Variants in SLC4A7 observed in about 807,000 individuals in gnomAD.
SLC4A7 encodes the protein sodium bicarbonate cotransporter 3.
SLC4A7 carries 51 observed loss-of-function variants against 137.6 expected under a neutral mutation model. The ratio of observed to expected loss-of-function variants is 0.37; its 90% CI spans 0.30 to 0.47. SLC4A7 has a LOEUF of 0.47. SLC4A7 is among the 20% of genes least tolerant of loss of function. The pLI is 1.00. For missense variants in SLC4A7, 1,247 were observed against 1,525.4 expected (o/e 0.82, Z 3.04); for synonymous variants, 542 against 518.6 (o/e 1.05, Z -0.61).
At chr3:27,439,448 T>G (rs527507972) in intron 3 of SLC4A7, among the ~76,000 whole-genome samples, 2 of 152,310 alleles carry the variant, frequency 1.3e-5, no homozygotes, top group Middle Eastern at 3.4e-3. Context: ...TATTAAACTT[T>G]CCAGCATTTA....
At chr3:27,387,880 C>G (rs2051134113) in intron 22 of SLC4A7, among the ~76,000 whole-genome samples, 1 of 152,144 alleles carries the variant, frequency 6.6e-6, no homozygotes, top group Non-Finnish European at 1.5e-5. Flanking sequence ...ATGTCACTGC[C>G]CACCCCCACA....
intron 3 of SLC4A7, among the ~76,000 whole-genome samples, chr3:27,439,721 T>G (rs1408974389): frequency 6.6e-6 from 1 of 152,202 alleles, no homozygotes; most frequent in Non-Finnish European, 1.5e-5. Flanking sequence ...TATTCTTTCT[T>G]GTCTTATTAC....
intron 21 of SLC4A7, among the ~76,000 whole-genome samples, 179 bp downstream of exon 21, chr3:27,391,561 G>A (rs571046067): frequency 5.3e-5 from 8 of 152,194 alleles, no homozygotes; most frequent in Admixed American, 3.9e-4. Context: ...ACTCTCTGGA[G>A]GAAAAAATGT....
rs556478586 is a variant in SLC4A7 at position 27,411,761 on chromosome 3, A to C, written c.1660-13T>G. On this transcript the variant is annotated splice_polypyrimidine_tract_variant and intron_variant, in intron 11 of 25. Coordinates refer to ENST00000454389, the MANE Select transcript of SLC4A7 (RefSeq NM_001321103.2). ...TCTTTCTCTTTTCCTGAATTTCACA[A>C]AAAACATTATTTTCAGAATTCTATT... is the stretch of plus-strand genomic sequence containing the variant. 144 of 1,427,514 alleles carry C rather than the reference A, an allele frequency of 1.0e-4. 4 individuals are homozygous for C. In the South Asian group the frequency reaches 1.9e-3, roughly 19 times the overall value. The allele number at this position is 1,427,514 out of a possible 1,614,324, so 88.4% of individuals were successfully genotyped here.
intron 3 of SLC4A7, among the ~76,000 whole-genome samples, chr3:27,442,571 G>A (rs2057285464): frequency 6.6e-6 from 1 of 151,846 alleles, no homozygotes; most frequent in African/African-American, 2.4e-5. Flanking sequence ...AGGCATGCCT[G>A]GTTAATTTTC....
intron 5 of SLC4A7, among the ~76,000 whole-genome samples, chr3:27,435,516 T>C (rs1289287887): frequency 6.6e-6 from 1 of 152,062 alleles, no homozygotes; most frequent in Non-Finnish European, 1.5e-5. Context: ...TTAAAAACCA[T>C]CAAGACCACC....
At chr3:27,443,481 G>C (rs2057374440) in intron 3 of SLC4A7, among the ~76,000 whole-genome samples, 1 of 151,768 alleles carries the variant, frequency 6.6e-6, no homozygotes, top group South Asian at 2.1e-4. Flanking sequence ...GTTTGATTGA[G>C]GTCTGCTATT....
rs759028760 is a variant in SLC4A7, at chr3:27,431,599, T to C, written c.849A>G (p.Gly283=). 8 of 1,613,894 alleles carry C rather than the reference T, an allele frequency of 5.0e-6. No homozygotes were observed. Among genetic ancestry groups the C allele is most frequent in the Middle Eastern group, 1.7e-4 (1 of 6,060 alleles). The change falls in exon 7 of 26, where the codon GGA becomes GGG. Residue 283 remains glycine, a synonymous_variant. Coordinates refer to ENST00000454389, the MANE Select transcript of SLC4A7 (RefSeq NM_001321103.2). ...GLSASNLSLR[G]ESPLSLLLGH... ...CAAGAAGAAGAGATAAAGGTGATTC[T>C]CCTCTCAAGGAAAGGTTTGAGGCAG...
chr3:27,443,859 A>G (rs995540880), intron 3 of SLC4A7, among the ~76,000 whole-genome samples: 2 of 152,224 alleles, frequency 1.3e-5, no homozygotes, highest in African/African-American at 2.4e-5. Context: ...TTAACCCATG[A>G]TTATTGAGAA....
intron 22 of SLC4A7, among the ~76,000 whole-genome samples, chr3:27,388,417 A>G (rs2051190747): frequency 6.6e-6 from 1 of 152,210 alleles, no homozygotes; most frequent in African/African-American, 2.4e-5. Context: ...AGAATAATTC[A>G]AGAGGGTACT....
chr3:27,418,381 G>A (rs924565021), intron 11 of SLC4A7, 105 bp downstream of exon 11: 38 of 804,930 alleles, frequency 4.7e-5, no homozygotes, highest in Non-Finnish European at 5.6e-5. Context: ...TAAACAGGAC[G>A]AGGTGGGGAT....
At chr3:27,448,216 C>CAA (rs34846975) in intron 3 of SLC4A7, among the ~76,000 whole-genome samples, 18,120 of 104,010 alleles carry the variant, frequency 0.17, 1,488 homozygotes, top group South Asian at 0.28. Flanking sequence ...GACTCCATCT[C>CAA]AAAAAAAAAA....
intron 11 of SLC4A7, among the ~76,000 whole-genome samples, chr3:27,416,076 C>T (rs1173788900): frequency 6.6e-6 from 1 of 152,152 alleles, no homozygotes; most frequent in African/African-American, 2.4e-5. Context: ...AACAGGACTT[C>T]CTATGAGTCC....
At chr3:27,433,648 G>GA (rs547076553) in intron 6 of SLC4A7, among the ~76,000 whole-genome samples, 18 of 146,726 alleles carry the variant, frequency 1.2e-4, no homozygotes, top group East Asian at 8.0e-4. Flanking sequence ...ATGTTCAGGA[G>GA]AAAAAAAAAA....
chr3:27,446,312 G>A (rs2057631043), intron 3 of SLC4A7, among the ~76,000 whole-genome samples: 2 of 152,078 alleles, frequency 1.3e-5, no homozygotes, highest in Admixed American at 1.3e-4. Context: ...GCAAAGTCCT[G>A]TGTAATCCCT....
chr3:27,424,674 TTTG>T (rs1186963509), intron 7 of SLC4A7, among the ~76,000 whole-genome samples: 3 of 152,238 alleles, frequency 2.0e-5, no homozygotes, highest in African/African-American at 4.8e-5. Context: ...TTCATTTTTC[TTTG>T]TTAACATTTA....
chr3:27,467,193 C>T (rs943609969), intron 1 of SLC4A7, among the ~76,000 whole-genome samples: 2 of 152,118 alleles, frequency 1.3e-5, no homozygotes, highest in Non-Finnish European at 2.9e-5. Context: ...GGGCCACTTA[C>T]AAACATTATT....
At chr3:27,399,081 C>T (rs1409359909) in intron 16 of SLC4A7, among the ~76,000 whole-genome samples, 1 of 149,860 alleles carries the variant, frequency 6.7e-6, no homozygotes, top group Non-Finnish European at 1.5e-5. Flanking sequence ...CTTTTTCTTA[C>T]TTATAATCTA....
intron 14 of SLC4A7, among the ~76,000 whole-genome samples, chr3:27,403,856 C>T (rs2053054550): frequency 6.6e-6 from 1 of 152,122 alleles, no homozygotes; most frequent in Admixed American, 6.5e-5. Context: ...ACCATTATCA[C>T]CACAGAAAGT....
Sources: allele counts gnomAD v4.1 joint callset (sites outside exome capture counted in the v4.1 genomes callset), GRCh38; gene constraint gnomAD v4.1.1; transcripts MANE v1.5; gene names NCBI Gene and HGNC (gene_info 2026-07-23, HGNC 2026-07-21).